ELF1: variants seen among roughly 807,000 people sequenced by gnomAD.
ELF1 encodes ETS-related transcription factor Elf-1.
A neutral mutation model predicts 59.9 loss-of-function variants in ELF1; 24 were observed. That is an observed-to-expected ratio of 0.40 (90% confidence interval 0.29 to 0.56). ELF1 has a LOEUF of 0.56. Among genes scored for constraint, ELF1 ranks in the 20% least tolerant of loss-of-function variants. The pLI is 0.44. For synonymous variants in ELF1, 248 were observed against 266.2 expected, an observed-to-expected ratio of 0.93 and a Z score of 0.67; for missense variants, 627 against 742.2, an observed-to-expected ratio of 0.84 and a Z score of 1.80.
At chr13:40,939,970 G>A (rs1024158590) in intron 8 of ELF1, among the ~76,000 whole-genome samples, 2 of 152,072 alleles carry the variant, frequency 1.3e-5, no homozygotes, top group Non-Finnish European at 2.9e-5. Context: ...TTTTCACAAG[G>A]TCAAACATTT....
In ELF1 at chr13:41,060,847, A is replaced by AT. The variant is rs1593420279; in HGVS notation, c.-239dup. 86 of 303,056 alleles carry AT rather than the reference A, an allele frequency of 2.8e-4. 27 individuals are homozygous for AT. In the East Asian group the frequency reaches 6.8e-3, roughly 24 times the overall value. The allele number at this position is 303,056 out of a possible 1,614,324, so 18.8% of individuals were successfully genotyped here. A position where few individuals can be genotyped will look rare whatever the true frequency, so the allele number is the denominator to read the frequency against. On this transcript the variant is annotated 5_prime_UTR_variant, in exon 1 of 2. Coordinates refer to the ELF1 transcript ENST00000405737. ...AACTGCCGTGACCCACCTGACAAGC[A>AT]TAAGTGCCTCTGCCTCCTTCGCCGC...
intron 1 of ELF1, among the ~76,000 whole-genome samples, chr13:41,059,818 TTC>T (rs1164415830): frequency 2.0e-5 from 3 of 152,158 alleles, no homozygotes; most frequent in South Asian, 2.1e-4. Context: ...CCAGCCAATT[TTC>T]TCTTTCCCAA....
At chr13:41,017,273 T>C (rs568267610) in intron 1 of ELF1, among the ~76,000 whole-genome samples, 138 of 152,164 alleles carry the variant, frequency 9.1e-4, no homozygotes, top group African/African-American at 3.1e-3. Flanking sequence ...TAAGGAAATA[T>C]AGAGCATTTC....
chr13:40,968,886 A>AT (rs1406542370), intron 2 of ELF1, among the ~76,000 whole-genome samples: 1 of 151,948 alleles, frequency 6.6e-6, no homozygotes, highest in Non-Finnish European at 1.5e-5. Context: ...CACCCAGCTA[A>AT]TTTTTGTGTT....
At chr13:40,951,784 T>C (rs948254425) in intron 3 of ELF1, 1 of 156,006 alleles carries the variant, frequency 6.4e-6, no homozygotes, top group African/African-American at 2.4e-5. Flanking sequence ...GGAGAATCGT[T>C]TGAACCCAGA....
At position 41,011,150 on chromosome 13, in the gene ELF1, C is replaced by T. The variant is rs1875040319; in HGVS notation, c.-229+8078G>A. On this transcript the variant is annotated intron_variant, in intron 1 of 8. Coordinates refer to ENST00000239882, the MANE Select transcript of ELF1 (RefSeq NM_172373.4). Reference sequence around the variant, plus strand: ...TACCAGTAAATCTGGTTAGATTCAACAATCTATTAGCTACTTAAAAGTTCA... The same window carrying T: ...TACCAGTAAATCTGGTTAGATTCAATAATCTATTAGCTACTTAAAAGTTCA... Among the ~76,000 whole-genome samples, 3 of 152,166 alleles carry T rather than the reference C, an allele frequency of 2.0e-5. No individual in the cohort carries two copies. In the South Asian group the frequency reaches 6.2e-4, roughly 32 times the overall value.
intron 8 of ELF1, among the ~76,000 whole-genome samples, chr13:40,938,546 T>A (rs1869933198): frequency 6.6e-6 from 1 of 152,190 alleles, no homozygotes; most frequent in African/African-American, 2.4e-5. Flanking sequence ...ATCTCCACCA[T>A]CTGCTACATG....
At chr13:40,984,913 C>G (rs997457433) in intron 1 of ELF1, among the ~76,000 whole-genome samples, 1 of 152,224 alleles carries the variant, frequency 6.6e-6, no homozygotes, top group African/African-American at 2.4e-5. Context: ...TGTGCTTTAA[C>G]AGTTGTCTTT....
chr13:40,970,620 C>T (rs895096937), intron 2 of ELF1, among the ~76,000 whole-genome samples: 3 of 152,058 alleles, frequency 2.0e-5, no homozygotes, highest in Non-Finnish European at 4.4e-5. Flanking sequence ...AATCTTCGTG[C>T]CAAGTATGTT....
Position 41,004,469 on chromosome 13 carries a change from T to A in ELF1, c.-229+14759A>T, listed in dbSNP as rs527867417. Among the ~76,000 whole-genome samples the A allele has an allele frequency of 2.0e-5, 3 of 152,194 alleles. No individual in the cohort carries two copies. The South Asian group carries it at 6.2e-4, about 32-fold the overall frequency. On this transcript the variant is annotated intron_variant, in intron 1 of 8. Coordinates refer to ENST00000239882, the MANE Select transcript of ELF1 (RefSeq NM_172373.4). Reference sequence around the variant, plus strand: ...CAAACCTTTTCCCTAACATTAGGGATACAGGATCTACCATCAGAACACCTG... The same window carrying A: ...CAAACCTTTTCCCTAACATTAGGGAAACAGGATCTACCATCAGAACACCTG...
chr13:40,945,187 T>C (rs1436401131), intron 5 of ELF1, among the ~76,000 whole-genome samples: 2 of 152,150 alleles, frequency 1.3e-5, no homozygotes, highest in African/African-American at 2.4e-5. Context: ...TTAAAAAAAA[T>C]AGATATCGTC....
rs967770707 is a variant in ELF1, at chr13:40,951,390, C to T, written c.300G>A (p.Glu100=). 8 of 1,613,754 alleles carry T rather than the reference C, an allele frequency of 5.0e-6. No individual in the cohort carries two copies. In the African/African-American group the frequency reaches 8.0e-5, roughly 16 times the overall value. Residue 100 remains glutamate (E), a synonymous_variant, in exon 4 of 9, where the codon GAG becomes GAA. Coordinates refer to ENST00000239882, the MANE Select transcript of ELF1 (RefSeq NM_172373.4). The stretch of plus-strand genomic sequence containing the variant: ...CCATATTGAGGAGTGCCTCAGCAGC[C>T]TCAATAGTTTCAATTGTTTCATCCC... ...HDGDETIETI[E]AAEALLNMDS...
At chr13:41,041,260 CAAAAA>C (rs11326566) in intron 1 of ELF1, among the ~76,000 whole-genome samples, 13 of 115,278 alleles carry the variant, frequency 1.1e-4, no homozygotes, top group Admixed American at 5.6e-4. Flanking sequence ...CTGGTTTCAT[CAAAAA>C]AAAAAAAAAA....
chr13:40,955,027 C>T (rs1445388757), intron 3 of ELF1, among the ~76,000 whole-genome samples: 5 of 150,276 alleles, frequency 3.3e-5, no homozygotes, highest in South Asian at 2.1e-4. Context: ...GGCTGCCCAT[C>T]GTCTGAGATG....
intron 1 of ELF1, among the ~76,000 whole-genome samples, chr13:41,018,823 T>C (rs1200883575): frequency 1.3e-5 from 2 of 152,176 alleles, no homozygotes; most frequent in African/African-American, 2.4e-5. Context: ...CCCTGGATAT[T>C]TAACATCTAT....
At position 40,987,410 on chromosome 13, in the gene ELF1, G is replaced by A. The variant is rs1418590517; in HGVS notation, c.-228-5128C>T. ...AGCCTGACCAACATGGTGAAACCCC[G>A]TCCCTACCAAAAACACAAAAAAAAA... On this transcript the variant is annotated intron_variant, in intron 1 of 8. Coordinates refer to ENST00000239882, the MANE Select transcript of ELF1 (RefSeq NM_172373.4). 1.3e-4 allele frequency among the ~76,000 whole-genome samples: 19 copies of A among 149,432 alleles called. No homozygotes were observed. The East Asian group carries it at 3.6e-3, about 28-fold the overall frequency.
intron 1 of ELF1, among the ~76,000 whole-genome samples, chr13:41,042,928 TAA>T (rs1230703228): frequency 6.6e-6 from 1 of 152,228 alleles, no homozygotes; most frequent in East Asian, 1.9e-4. Context: ...ACCAACAGTG[TAA>T]AAGTGTTCCT....
At chr13:40,953,125 T>C (rs1177342098) in intron 3 of ELF1, among the ~76,000 whole-genome samples, 1 of 151,930 alleles carries the variant, frequency 6.6e-6, no homozygotes, top group African/African-American at 2.4e-5. Context: ...TACAGGCATG[T>C]GCCACCATGC....
intron 1 of ELF1, among the ~76,000 whole-genome samples, chr13:41,007,950 G>C (rs948166828): frequency 2.0e-5 from 3 of 152,148 alleles, no homozygotes; most frequent in Admixed American, 6.6e-5. Context: ...AAAGCAGGAT[G>C]AAACTGCGAG....
Sources: gnomAD v4.1 joint callset for allele counts (sites outside exome capture counted in the v4.1 genomes callset) on GRCh38, gnomAD v4.1.1 for gene constraint, MANE v1.5 for transcripts, NCBI Gene and HGNC (gene_info 2026-07-23, HGNC 2026-07-21) for gene names.